The following MLF1 variants were observed in gnomAD, a reference collection of about 807,000 sequenced individuals.
The protein encoded by MLF1 is myelodysplasia-myeloid leukemia factor 1.
A neutral mutation model predicts 38.3 loss-of-function variants in MLF1; 37 were observed. That is an observed-to-expected ratio of 0.96 (90% confidence interval 0.74 to 1.27). MLF1 has a LOEUF of 1.27. MLF1 is among the 50% of genes most tolerant of loss of function. The probability of loss-of-function intolerance (pLI) is 0.00; values close to 1 mark genes in which losing one functional copy is unlikely to be tolerated. For synonymous variants in MLF1, 95 were observed against 106.5 expected (o/e 0.89, Z 0.66); for missense variants, 331 against 349.2 (o/e 0.95, Z 0.42).
rs752260768 is a variant in MLF1, at chr3:158,602,959, T to C, written c.746+20T>C. 6 of 1,592,390 alleles carry C rather than the reference T, an allele frequency of 3.8e-6. No homozygotes were observed. Among genetic ancestry groups the C allele is most frequent in the Non-Finnish European group, 5.1e-6 (6 of 1,171,372 alleles). ...AAGAAGGTAAAAGTTGTTTCTAAAA[T>C]AGTTTGGTTTTTTAAGAAGAATTTG... is the stretch of plus-strand genomic sequence containing the variant. On this transcript the variant is annotated intron_variant, in intron 7 of 7. Coordinates refer to ENST00000466246, the MANE Select transcript of MLF1 (RefSeq NM_001369783.1).
rs1178152991 is a variant in MLF1, at chr3:158,603,322, G to C, written c.746+383G>C. On this transcript the variant is annotated intron_variant, in intron 7 of 7. Coordinates refer to ENST00000466246, the MANE Select transcript of MLF1 (RefSeq NM_001369783.1). ...TATCTAGAGATATGATAAGGGGAGA[G>C]GGGCTCTATTTGGAAGACTTAACAA... 3.3e-5 allele frequency among the ~76,000 whole-genome samples: 5 copies of C among 152,250 alleles called. No homozygotes were observed. The South Asian group carries it at 1.0e-3, about 32-fold the overall frequency.
chr3:158,596,835 A>G (rs1211849691), intron 3 of MLF1, 27 bp from the exon 4 acceptor site: 1 of 1,499,396 alleles, frequency 6.7e-7, no homozygotes, highest in Non-Finnish European at 9.2e-7. Flanking sequence ...ACCTACAGTT[A>G]ATAACATACT....
At chr3:158,580,299 AAAAG>A (rs1253206201) in intron 1 of MLF1, among the ~76,000 whole-genome samples, 14 of 152,276 alleles carry the variant, frequency 9.2e-5, no homozygotes, top group Middle Eastern at 3.4e-3. Flanking sequence ...TTAAAAAAAA[AAAAG>A]AAAGATTTTG....
At chr3:158,592,829 C>CTTT (rs1234783634) in intron 2 of MLF1, among the ~76,000 whole-genome samples, 3 of 152,078 alleles carry the variant, frequency 2.0e-5, no homozygotes, top group African/African-American at 7.2e-5. Context: ...AAAACTTAAA[C>CTTT]CATTATTTTT....
At chr3:158,584,693 G>A (rs1158690952) in intron 1 of MLF1, among the ~76,000 whole-genome samples, 2 of 147,676 alleles carry the variant, frequency 1.4e-5, no homozygotes, top group African/African-American at 5.0e-5. Flanking sequence ...GTGTGTGTGT[G>A]TGTGTGTATA....
chr3:158,592,298 A>T, intron 1 of MLF1, 136 bp from the exon 2 acceptor site: 1 of 657,996 alleles, frequency 1.5e-6, no homozygotes, highest in Non-Finnish European at 2.4e-6. Context: ...ATTTATGAAT[A>T]AAATAGAGTT....
At chr3:158,572,727 G>GT (rs1278626008) in intron 1 of MLF1, among the ~76,000 whole-genome samples, 1 of 128,358 alleles carries the variant, frequency 7.8e-6, no homozygotes, top group Non-Finnish European at 1.7e-5. Context: ...AGGTGTGGGG[G>GT]TAGGAGGGTT....
intron 5 of MLF1, among the ~76,000 whole-genome samples, chr3:158,598,992 A>G (rs1480671273): frequency 6.6e-6 from 1 of 152,176 alleles, no homozygotes; most frequent in Non-Finnish European, 1.5e-5. Flanking sequence ...AGCTTGATAC[A>G]TGTGGCCCTG....
chr3:158,602,854 T>A lies in MLF1; in HGVS notation c.661T>A (p.Tyr221Asn). 6.2e-7 allele frequency: 1 copy of A among 1,613,778 alleles called. No individual in the cohort carries two copies. The highest frequency in any genetic ancestry group is 8.5e-7 in the Non-Finnish European group (1 of 1,179,854). The change falls in exon 7 of 8, where the codon TAC (tyrosine) becomes AAC (asparagine). Residue 221 changes from tyrosine (Y) to asparagine (N), a missense_variant. Transcript: ENST00000466246. Reference sequence around the variant, plus strand: ...GGAGTGGCAAAGTGAGGTTTTGAAGTACAAACCAGGACGACACAATCTAGG... The same window carrying A: ...GGAGTGGCAAAGTGAGGTTTTGAAGAACAAACCAGGACGACACAATCTAGG... ...DEEWQSEVLK[Y>N]KPGRHNLGNT...
rs1718295540 is a variant in MLF1 at position 158,592,467 on chromosome 3, A to G, written c.81A>G (p.Arg27=). 1 of 1,610,724 alleles carries G rather than the reference A, an allele frequency of 6.2e-7. No individual in the cohort carries two copies. Among genetic ancestry groups the G allele is most frequent in the Non-Finnish European group, 8.5e-7 (1 of 1,178,906 alleles). ...ESILAHRENM[R]QMIRSFSEPF... The stretch of plus-strand genomic sequence containing the variant: ...TTCTTGCACACCGAGAAAATATGCG[A>G]CAGATGATAAGAAGTTTTTCTGAAC... Residue 27 remains arginine, a synonymous_variant, in exon 2 of 8, where the codon CGA becomes CGG. Coordinates refer to ENST00000466246, the MANE Select transcript of MLF1 (RefSeq NM_001369783.1).
chr3:158,597,357 A>T (rs1036297355), intron 4 of MLF1, among the ~76,000 whole-genome samples: 3 of 152,158 alleles, frequency 2.0e-5, no homozygotes, highest in Non-Finnish European at 2.9e-5. Context: ...TATTATTAAT[A>T]ACCTGTCTAC....
chr3:158,600,451 T>C (rs1576688566), intron 6 of MLF1, among the ~76,000 whole-genome samples: 1 of 144,652 alleles, frequency 6.9e-6, no homozygotes, highest in Admixed American at 6.9e-5. Context: ...AGGCAAAATG[T>C]GTCTTTAAAT....
At chr3:158,575,204 TA>T (rs1715247184) in intron 1 of MLF1, among the ~76,000 whole-genome samples, 3 of 152,304 alleles carry the variant, frequency 2.0e-5, no homozygotes, top group Admixed American at 2.0e-4. Flanking sequence ...AGCCATATCA[TA>T]AAAATTGAAG....
chr3:158,599,498 A>T (rs928845838), intron 5 of MLF1, among the ~76,000 whole-genome samples: 2 of 152,188 alleles, frequency 1.3e-5, no homozygotes, highest in Admixed American at 1.3e-4. Flanking sequence ...AGACATTTTA[A>T]TTTTAACTTT....
intron 6 of MLF1, among the ~76,000 whole-genome samples, chr3:158,600,456 T>G (rs931139016): frequency 9.7e-6 from 1 of 102,808 alleles, no homozygotes; most frequent in South Asian, 3.4e-4. Context: ...AAATGTGTCT[T>G]TAAATATTTT....
intron 1 of MLF1, among the ~76,000 whole-genome samples, chr3:158,577,909 GC>G (rs1040404089): frequency 1.3e-5 from 2 of 152,098 alleles, no homozygotes; most frequent in Non-Finnish European, 2.9e-5. Context: ...GATATCAAAG[GC>G]TTTTGCCACA....
intron 1 of MLF1, among the ~76,000 whole-genome samples, chr3:158,586,280 A>G (rs969997683): frequency 6.6e-6 from 1 of 152,120 alleles, no homozygotes; most frequent in Non-Finnish European, 1.5e-5. Flanking sequence ...AATATATATA[A>G]AAAAACCATA....
chr3:158,603,624 G>A (rs1032460404), intron 7 of MLF1, among the ~76,000 whole-genome samples: 7 of 151,982 alleles, frequency 4.6e-5, no homozygotes, highest in Non-Finnish European at 7.4e-5. Context: ...GATCAGTTGC[G>A]GTCAGGAGTT....
Position 158,595,862 on chromosome 3 carries a change from C to G in MLF1, c.241-1000C>G, listed in dbSNP as rs76593571. Among the ~76,000 whole-genome samples, 1,142 of 152,276 alleles carry G rather than the reference C, an allele frequency of 7.5e-3. 20 individuals carry two copies. The highest frequency in any genetic ancestry group is 0.027 in the African/African-American group (1,103 of 41,558). ...AGTTCATTAAACCAAGCAACTCATTCTGTTTTATAACAGATGATTTACTGG... is the reference window on the plus strand; with the variant it reads ...AGTTCATTAAACCAAGCAACTCATTGTGTTTTATAACAGATGATTTACTGG... On this transcript the variant is annotated intron_variant, in intron 3 of 7. Coordinates refer to ENST00000466246, the MANE Select transcript of MLF1 (RefSeq NM_001369783.1).
Sources: allele counts gnomAD v4.1 joint callset (sites outside exome capture counted in the v4.1 genomes callset), GRCh38; gene constraint gnomAD v4.1.1; transcripts MANE v1.5; gene names NCBI Gene and HGNC (gene_info 2026-07-23, HGNC 2026-07-21).